The following FILIP1L variants were observed in gnomAD, a reference collection of about 807,000 sequenced individuals.
The protein encoded by FILIP1L is filamin A interacting protein 1 like, also known as filamin A-interacting protein 1-like.
FILIP1L carries 55 observed loss-of-function variants against 96.6 expected under a neutral mutation model. The ratio of observed to expected loss-of-function variants is 0.57; its 90% CI spans 0.46 to 0.71. FILIP1L has a LOEUF of 0.71. FILIP1L is among the 30% of genes least tolerant of loss of function. The pLI, the probability that FILIP1L is intolerant of heterozygous loss-of-function variation, is 0.00. For synonymous variants in FILIP1L, 467 were observed against 473.9 expected, an observed-to-expected ratio of 0.99 and a Z score of 0.19; for missense variants, 1,304 against 1,321.2, an observed-to-expected ratio of 0.99 and a Z score of 0.20.
intron 4 of FILIP1L, among the ~76,000 whole-genome samples, chr3:99,866,919 A>T (rs1045561375): frequency 2.6e-5 from 4 of 152,176 alleles, no homozygotes; most frequent in Non-Finnish European, 5.9e-5. Context: ...GTACAAATTA[A>T]AATTATTTTG....
At chr3:99,845,892 G>C (rs1009435597) in intron 5 of FILIP1L, among the ~76,000 whole-genome samples, 3 of 152,176 alleles carry the variant, frequency 2.0e-5, no homozygotes, top group Non-Finnish European at 4.4e-5. Flanking sequence ...TTCCTTGAAA[G>C]TTTGGTAAAT....
intron 1 of FILIP1L, among the ~76,000 whole-genome samples, chr3:99,965,723 G>A (rs1011076506): frequency 1.3e-5 from 2 of 152,200 alleles, no homozygotes; most frequent in Admixed American, 1.3e-4. Context: ...GCTTATTGGG[G>A]ATTAAGGCCC....
intron 5 of FILIP1L, among the ~76,000 whole-genome samples, chr3:99,841,425 T>C (rs1943126892): frequency 6.6e-6 from 1 of 152,342 alleles, no homozygotes; most frequent in East Asian, 1.9e-4. Flanking sequence ...CTCTATTGTT[T>C]AGACCTTTCT....
At chr3:99,908,508 T>C (rs1046918945) in intron 4 of FILIP1L, among the ~76,000 whole-genome samples, 20 of 152,198 alleles carry the variant, frequency 1.3e-4, no homozygotes, top group African/African-American at 4.3e-4. Flanking sequence ...GCAATAATGA[T>C]GATCACTTAG....
chr3:100,047,989 C>T (rs1438087534), intron 1 of FILIP1L, among the ~76,000 whole-genome samples: 1 of 152,130 alleles, frequency 6.6e-6, no homozygotes, highest in Non-Finnish European at 1.5e-5. Context: ...TAAATATACC[C>T]TCCTAAGAAA....
At chr3:99,923,315 T>C (rs1352885726) in intron 4 of FILIP1L, among the ~76,000 whole-genome samples, 1 of 152,140 alleles carries the variant, frequency 6.6e-6, no homozygotes, top group Admixed American at 6.5e-5. Context: ...TTACACCAGA[T>C]ACTGTAATAT....
At chr3:100,040,696 T>G (rs2065190473) in intron 1 of FILIP1L, 1 of 152,234 alleles carries the variant, frequency 6.6e-6, no homozygotes, top group Non-Finnish European at 1.5e-5. Context: ...TGAATGACTA[T>G]TACAGGCTGA....
intron 5 of FILIP1L, among the ~76,000 whole-genome samples, chr3:99,841,306 C>A (rs1279764362): frequency 6.6e-6 from 1 of 152,188 alleles, no homozygotes; most frequent in Non-Finnish European, 1.5e-5. Context: ...AAATTATAAA[C>A]TAGAGTTTTC....
At chr3:99,946,803 A>G (rs1428441456) in intron 1 of FILIP1L, among the ~76,000 whole-genome samples, 1 of 152,304 alleles carries the variant, frequency 6.6e-6, no homozygotes, top group Non-Finnish European at 1.5e-5. Flanking sequence ...TGCAGTATTT[A>G]AAGTAGTGAT....
chr3:100,000,907 T>C (rs1168960618), intron 1 of FILIP1L, among the ~76,000 whole-genome samples: 1 of 152,216 alleles, frequency 6.6e-6, no homozygotes, highest in Non-Finnish European at 1.5e-5. Flanking sequence ...TCAAAGCCTG[T>C]AGTTGACCTA....
At chr3:99,924,518 T>C in intron 3 of FILIP1L, 110 bp from the exon 4 acceptor site, 1 of 1,164,788 alleles carries the variant, frequency 8.6e-7, no homozygotes, top group Non-Finnish European at 1.2e-6. Flanking sequence ...GTTTTTTTGG[T>C]TTTTTGTTTG....
At chr3:99,941,513 A>G (rs868443045) in intron 1 of FILIP1L, among the ~76,000 whole-genome samples, 11 of 152,198 alleles carry the variant, frequency 7.2e-5, no homozygotes, top group Non-Finnish European at 1.0e-4. Context: ...GGGAATATCA[A>G]ATTGTGCCTA....
intron 1 of FILIP1L, among the ~76,000 whole-genome samples, chr3:99,940,152 A>G (rs1001612689): frequency 6.6e-6 from 1 of 152,148 alleles, no homozygotes; most frequent in African/African-American, 2.4e-5. Flanking sequence ...CAAATCAGTG[A>G]CTCTTTAAAG....
chr3:99,992,688 T>G (rs947810007), intron 1 of FILIP1L, among the ~76,000 whole-genome samples: 7 of 151,188 alleles, frequency 4.6e-5, no homozygotes, highest in Admixed American at 4.0e-4. Context: ...ATTTGTCTAG[T>G]TTTTTTTTGG....
chr3:99,928,565 A>G lies in FILIP1L; in HGVS notation c.426+1291T>C, dbSNP rs542386617. Among the ~76,000 whole-genome samples, 38 of 152,300 alleles carry G rather than the reference A, an allele frequency of 2.5e-4. 1 individual carries two copies. In the South Asian group the frequency reaches 7.7e-3, roughly 31 times the overall value. ...CATTTGTAGAAGGGGGGTATTTCCA[A>G]TTTTGCATGTGCACAATAGAATTAT... On this transcript the variant is annotated intron_variant, in intron 3 of 5. Coordinates refer to ENST00000477258, the MANE Select transcript of FILIP1L (RefSeq NM_001387850.1).
intron 4 of FILIP1L, among the ~76,000 whole-genome samples, chr3:99,899,117 G>A (rs1219391748): frequency 2.0e-5 from 3 of 152,118 alleles, no homozygotes; most frequent in African/African-American, 7.2e-5. Flanking sequence ...GATTTTATGT[G>A]TGCATTTATT....
At chr3:99,868,937 A>G (rs1021306674) in intron 4 of FILIP1L, among the ~76,000 whole-genome samples, 15 of 152,156 alleles carry the variant, frequency 9.9e-5, no homozygotes, top group African/African-American at 3.6e-4. Context: ...TTTGCCGTTA[A>G]GCCAACTGTA....
At chr3:100,007,212 C>A (rs1037635667) in intron 1 of FILIP1L, among the ~76,000 whole-genome samples, 1 of 152,098 alleles carries the variant, frequency 6.6e-6, no homozygotes, top group South Asian at 2.1e-4. Flanking sequence ...TTTCTATTTT[C>A]TCTTCATGAC....
In FILIP1L at chr3:100,072,900, C is replaced by T. The variant is rs150395017; in HGVS notation, c.-11+41153G>A. On this transcript the variant is annotated intron_variant, in intron 1 of 5. Coordinates refer to ENST00000477258, the MANE Select transcript of FILIP1L (RefSeq NM_001387850.1). ...TCCTCTAACTTGTCACTGAAAACCT[C>T]GCCAGAAGAGTGAACACTGAGGCTG... Among the ~76,000 whole-genome samples, 23 of 152,292 alleles carry T rather than the reference C, an allele frequency of 1.5e-4. No individual in the cohort carries two copies. In the East Asian group the frequency reaches 2.3e-3, roughly 15 times the overall value.
Sources: allele counts gnomAD v4.1 joint callset (sites outside exome capture counted in the v4.1 genomes callset), GRCh38; gene constraint gnomAD v4.1.1; transcripts MANE v1.5; gene names NCBI Gene and HGNC (gene_info 2026-07-23, HGNC 2026-07-21).